The following NCALD variants were observed in gnomAD, a reference collection of about 807,000 sequenced individuals.
The protein encoded by NCALD is neurocalcin-delta.
In NCALD, 10 loss-of-function variants were observed where a neutral mutation model predicts 18.6. The observed-to-expected ratio is 0.54, with a 90% CI of 0.33 to 0.91. NCALD has a LOEUF of 0.91. NCALD is among the 40% of genes least tolerant of loss of function. The pLI, the probability that NCALD is intolerant of heterozygous loss-of-function variation, is 0.03. For missense variants in NCALD, 184 were observed against 247.6 expected, an observed-to-expected ratio of 0.74 and a Z score of 1.72; for synonymous variants, 88 against 87.4, an observed-to-expected ratio of 1.01 and a Z score of -0.04.
chr8:101,946,809 CAAAAAAAAAA>C lies in NCALD; in HGVS notation c.-156-30961_-156-30952del, dbSNP rs71268537. ...AGTGGAGACTATCCACATCAATTAG[CAAAAAAAAAA>C]AAAAAAAAAAAAAAAATCTTGTTTG... On this transcript the variant is annotated intron_variant, in intron 2 of 6. Coordinates refer to the NCALD transcript ENST00000311028. 3.5e-4 allele frequency among the ~76,000 whole-genome samples: 23 copies of C among 65,670 alleles called. No homozygotes were observed. In the East Asian group the frequency reaches 7.7e-3, roughly 22 times the overall value. The allele number at this position is 65,670 out of a possible 152,430, so 43.1% of individuals were successfully genotyped here. A position where few individuals can be genotyped will look rare whatever the true frequency, so the allele number is the denominator to read the frequency against.
intron 3 of NCALD, among the ~76,000 whole-genome samples, chr8:101,893,341 C>T (rs1467572007): frequency 2.7e-5 from 4 of 150,638 alleles, no homozygotes; most frequent in Non-Finnish European, 4.4e-5. Flanking sequence ...CCAGGCCTGA[C>T]CTAAAAGAGC....
intron 4 of NCALD, among the ~76,000 whole-genome samples, chr8:101,798,852 C>T (rs1812736120): frequency 6.6e-6 from 1 of 152,294 alleles, no homozygotes; most frequent in Non-Finnish European, 1.5e-5. Context: ...TAGCTCACCA[C>T]ATAAATATGA....
intron 1 of NCALD, among the ~76,000 whole-genome samples, chr8:102,103,941 C>A (rs1236681818): frequency 6.6e-6 from 1 of 152,148 alleles, no homozygotes; most frequent in Non-Finnish European, 1.5e-5. Flanking sequence ...CAATGGACAT[C>A]TGGGATCATT....
intron 2 of NCALD, among the ~76,000 whole-genome samples, chr8:101,952,313 A>C (rs1198355800): frequency 6.6e-6 from 1 of 152,160 alleles, no homozygotes; most frequent in Non-Finnish European, 1.5e-5. Flanking sequence ...GACCCCGCTG[A>C]AATCTACCAG....
At chr8:101,892,166 G>A (rs1028179514) in intron 3 of NCALD, among the ~76,000 whole-genome samples, 2 of 150,234 alleles carry the variant, frequency 1.3e-5, no homozygotes, top group African/African-American at 5.0e-5. Context: ...CTGGAGATCT[G>A]AGAACCGGCA....
chr8:101,801,336 A>G (rs1812842816), intron 4 of NCALD, among the ~76,000 whole-genome samples: 1 of 152,164 alleles, frequency 6.6e-6, no homozygotes, highest in Admixed American at 6.5e-5. Context: ...TAAATTACAA[A>G]ATTAACCAAT....
At chr8:102,063,711 G>T (rs1036614429) in intron 1 of NCALD, among the ~76,000 whole-genome samples, 1 of 152,102 alleles carries the variant, frequency 6.6e-6, no homozygotes, top group Non-Finnish European at 1.5e-5. Context: ...GAAGAGGGAG[G>T]CCTGAGAAAG....
intron 2 of NCALD, among the ~76,000 whole-genome samples, chr8:102,017,542 A>C (rs1822128608): frequency 6.6e-6 from 1 of 152,174 alleles, no homozygotes; most frequent in African/African-American, 2.4e-5. Context: ...TAAAAATGCA[A>C]AAATTAGCCG....
intron 4 of NCALD, among the ~76,000 whole-genome samples, chr8:101,866,372 T>C (rs1247795397): frequency 6.6e-6 from 1 of 152,202 alleles, no homozygotes; most frequent in Non-Finnish European, 1.5e-5. Flanking sequence ...GGTGATCTTA[T>C]CCAGTCCGAT....
intron 2 of NCALD, among the ~76,000 whole-genome samples, chr8:102,001,562 GAC>G (rs1821468504): frequency 6.6e-6 from 1 of 152,152 alleles, no homozygotes; most frequent in South Asian, 2.1e-4. Flanking sequence ...GCAACTCCAA[GAC>G]ACATAATTGT....
At chr8:101,780,954 T>TTA (rs2130953036) in intron 1 of NCALD, among the ~76,000 whole-genome samples, 1 of 152,280 alleles carries the variant, frequency 6.6e-6, no homozygotes, top group South Asian at 2.1e-4. Flanking sequence ...AACAGTATAG[T>TTA]CCTTGGCTAT....
chr8:101,917,752 C>T (rs1435726629), intron 2 of NCALD, among the ~76,000 whole-genome samples: 2 of 152,038 alleles, frequency 1.3e-5, no homozygotes, highest in Non-Finnish European at 2.9e-5. Context: ...TGGAAACACA[C>T]AACTTCCTAA....
chr8:101,956,440 TC>T (rs1819626078), intron 2 of NCALD, among the ~76,000 whole-genome samples: 1 of 152,120 alleles, frequency 6.6e-6, no homozygotes, highest in African/African-American at 2.4e-5. Context: ...TAATCACTAA[TC>T]CCCAACTGTC....
intron 2 of NCALD, among the ~76,000 whole-genome samples, chr8:101,965,427 T>C (rs1420505215): frequency 1.3e-5 from 2 of 152,204 alleles, no homozygotes; most frequent in African/African-American, 4.8e-5. Flanking sequence ...TGGAATACTA[T>C]GCAGCCATAA....
chr8:101,911,260 T>G (rs1259152635), intron 3 of NCALD, among the ~76,000 whole-genome samples: 3 of 146,486 alleles, frequency 2.0e-5, no homozygotes, highest in Non-Finnish European at 4.5e-5. Flanking sequence ...AATATAGGCA[T>G]GTAGAGACTT....
chr8:101,835,843 A>G (rs1814390491), intron 4 of NCALD, among the ~76,000 whole-genome samples: 1 of 152,162 alleles, frequency 6.6e-6, no homozygotes, highest in South Asian at 2.1e-4. Flanking sequence ...AGCTGTGGAC[A>G]TATCTTAGAA....
At chr8:102,037,384 T>C (rs1822904784) in intron 1 of NCALD, among the ~76,000 whole-genome samples, 1 of 141,918 alleles carries the variant, frequency 7.0e-6, no homozygotes, top group Non-Finnish European at 1.6e-5. Context: ...AACATACAAT[T>C]ATACTATAGA....
At chr8:101,992,202 T>A (rs1355945995) in intron 2 of NCALD, among the ~76,000 whole-genome samples, 1 of 152,142 alleles carries the variant, frequency 6.6e-6, no homozygotes, top group Non-Finnish European at 1.5e-5. Flanking sequence ...TACTCAAATG[T>A]CCGGTGGGCT....
At chr8:101,835,389 C>T (rs73696644) in intron 4 of NCALD, among the ~76,000 whole-genome samples, 2,915 of 152,314 alleles carry the variant, frequency 0.019, 103 homozygotes, top group African/African-American at 0.064. Flanking sequence ...TGCCTGGAGA[C>T]ATTTTAGACT....
Sources: allele counts gnomAD v4.1 joint callset (sites outside exome capture counted in the v4.1 genomes callset), GRCh38; gene constraint gnomAD v4.1.1; transcripts MANE v1.5; gene names NCBI Gene and HGNC (gene_info 2026-07-23, HGNC 2026-07-21).